TRPM7: variants seen among roughly 807,000 people sequenced by gnomAD.
The protein encoded by TRPM7 is transient receptor potential cation channel subfamily M member 7.
TRPM7 carries 134 observed loss-of-function variants against 229.7 expected under a neutral mutation model. The ratio of observed to expected loss-of-function variants is 0.58; its 90% CI spans 0.51 to 0.67. The LOEUF is 0.67. Ranked by LOEUF, TRPM7 falls within the 30% of genes least tolerant of loss-of-function variation. TRPM7 has a pLI of 0.00. For synonymous variants in TRPM7, 699 were observed against 715.2 expected (o/e 0.98, Z 0.36); for missense variants, 1,901 against 2,210.0 (o/e 0.86, Z 2.80).
At position 50,637,471 on chromosome 15, in the gene TRPM7, T is replaced by A. The variant is rs760273525; in HGVS notation, c.783A>T (p.Arg261Ser). 6.2e-7 allele frequency: 1 copy of A among 1,613,776 alleles called. No individual in the cohort carries two copies. Among genetic ancestry groups the A allele is most frequent in the South Asian group, 1.1e-5 (1 of 90,944 alleles). The change falls in exon 7 of 39, where the codon AGA becomes AGT. Residue 261 changes from arginine (R) to serine (S), a missense_variant. Around this residue, in one of 8 missense-constraint regions of TRPM7, gnomAD observed 794 missense variants for 881.9 expected, o/e 0.90. Transcript: ENST00000646667. Reference sequence around the variant, plus strand: ...TAGTTTTTTCAAGTTCTCTTCTCAGTCTGACTTCCGCCCCATACTTTCCAA... The same window carrying A: ...TAGTTTTTTCAAGTTCTCTTCTCAGACTGACTTCCGCCCCATACTTTCCAA... Reference protein sequence around the residue: ...GTVGKYGAEVRLRRELEKTIN... With the variant: ...GTVGKYGAEVSLRRELEKTIN...
chr15:50,625,801 CACA>C (rs1244518177), intron 11 of TRPM7, among the ~76,000 whole-genome samples: 1 of 152,116 alleles, frequency 6.6e-6, no homozygotes, highest in Non-Finnish European at 1.5e-5. Context: ...TCAGTTCTGT[CACA>C]ACAAGGAAAA....
At chr15:50,683,091 T>A (rs2062277838) in intron 1 of TRPM7, among the ~76,000 whole-genome samples, 1 of 151,826 alleles carries the variant, frequency 6.6e-6, no homozygotes, top group Non-Finnish European at 1.5e-5. Context: ...TTTCGCCATC[T>A]TTCCCAGGCT....
At chr15:50,583,215 C>T (rs1021420043) in intron 28 of TRPM7, 56 bp from the exon 29 acceptor site, 49 of 1,265,568 alleles carry the variant, frequency 3.9e-5, no homozygotes, top group Middle Eastern at 2.0e-4. Context: ...TTATGAATAC[C>T]AACTAACCAA....
chr15:50,640,253 A>G (rs2061053094), intron 5 of TRPM7, among the ~76,000 whole-genome samples: 1 of 152,078 alleles, frequency 6.6e-6, no homozygotes, highest in South Asian at 2.1e-4. Flanking sequence ...CAAAGAGCAT[A>G]TAACTCCTCA....
Position 50,569,985 on chromosome 15 carries a change from T to A in TRPM7, c.5369A>T (p.Asp1790Val), listed in dbSNP as rs373422442. The change falls in exon 38 of 39, where the codon GAT (aspartate) becomes GTT (valine). Residue 1790 changes from aspartate to valine, a missense_variant. Around this residue, in one of 8 missense-constraint regions of TRPM7, gnomAD observed 257 missense variants for 352.0 expected, o/e 0.73. Coordinates refer to ENST00000646667, the MANE Select transcript of TRPM7 (RefSeq NM_017672.6). Reference sequence around the variant, plus strand: ...TAGATTTGCTGGGCCAAAAACCATATCACAGGATCTGTAGAATTGGTAATT... The same window carrying A: ...TAGATTTGCTGGGCCAAAAACCATAACACAGGATCTGTAGAATTGGTAATT... The part of the protein sequence containing the change: ...VIKAEEKRSC[D>V]MVFGPANLGE... 44 of 1,609,918 alleles carry A rather than the reference T, an allele frequency of 2.7e-5. No homozygotes were observed. Among genetic ancestry groups the A allele is most frequent in the Non-Finnish European group, 3.6e-5 (43 of 1,178,250 alleles).
At chr15:50,604,645 A>T (rs2059875179) in intron 21 of TRPM7, 1 of 385,294 alleles carries the variant, frequency 2.6e-6, no homozygotes, top group African/African-American at 2.1e-5. Context: ...CATAAACCAT[A>T]GATGGTATAG....
At chr15:50,653,926 A>G (rs2061490646) in intron 3 of TRPM7, among the ~76,000 whole-genome samples, 1 of 152,168 alleles carries the variant, frequency 6.6e-6, no homozygotes, top group African/African-American at 2.4e-5. Flanking sequence ...GTGAAAAGAC[A>G]TCACTGAACC....
intron 35 of TRPM7, 70 bp downstream of exon 35, chr15:50,574,567 T>A: frequency 1.9e-6 from 3 of 1,550,282 alleles, no homozygotes; most frequent in Non-Finnish European, 2.6e-6. Context: ...ATATTCAACA[T>A]CAAAAATGAA....
At chr15:50,617,689 C>T (rs1269477709) in intron 13 of TRPM7, among the ~76,000 whole-genome samples, 2 of 151,956 alleles carry the variant, frequency 1.3e-5, no homozygotes, top group African/African-American at 2.4e-5. Context: ...TTGATGTGTA[C>T]CCAGACTGGA....
At chr15:50,623,653 C>T (rs1483148968) in intron 12 of TRPM7, among the ~76,000 whole-genome samples, 1 of 151,540 alleles carries the variant, frequency 6.6e-6, no homozygotes, top group African/African-American at 2.4e-5. Context: ...ATCTTCAATG[C>T]TAATACAATA....
At chr15:50,666,956 T>C (rs1051609017) in intron 1 of TRPM7, among the ~76,000 whole-genome samples, 2 of 152,168 alleles carry the variant, frequency 1.3e-5, no homozygotes, top group African/African-American at 4.8e-5. Flanking sequence ...AAACTTGCTT[T>C]TACTTTACTG....
At chr15:50,662,937 A>G (rs775224373) in intron 2 of TRPM7, 30 bp downstream of exon 2, 5 of 1,499,130 alleles carry the variant, frequency 3.3e-6, no homozygotes, top group Non-Finnish European at 3.7e-6. Context: ...AATTTCTAGA[A>G]GACCCCAGAA....
At chr15:50,678,239 C>CA (rs527874854) in intron 1 of TRPM7, among the ~76,000 whole-genome samples, 21,617 of 88,460 alleles carry the variant, frequency 0.24, 3,176 homozygotes, top group East Asian at 0.34. Flanking sequence ...GACTCTCTCT[C>CA]AAAAAAAAAA....
chr15:50,594,083 G>A (rs958855838), intron 24 of TRPM7, among the ~76,000 whole-genome samples: 4 of 152,084 alleles, frequency 2.6e-5, no homozygotes, highest in Non-Finnish European at 5.9e-5. Context: ...AAAATTTTAA[G>A]CATAATTTGA....
Position 50,635,666 on chromosome 15 carries a change from A to AAAAAAG in TRPM7, c.833-1111_833-1110insCTTTTT, listed in dbSNP as rs1412380817. On this transcript the variant is annotated intron_variant, in intron 7 of 38. Coordinates refer to ENST00000646667, the MANE Select transcript of TRPM7 (RefSeq NM_017672.6). ...CAACAGAGCAAGACTCCATCTCCCA[A>AAAAAAG]AAAAAAAAAAAAAAAAAAAAAAAAA... Among the ~76,000 whole-genome samples the AAAAAAG allele has an allele frequency of 6.0e-5, 4 of 66,390 alleles. No homozygotes were observed. In the East Asian group the frequency reaches 1.6e-3, roughly 27 times the overall value. 43.6% of individuals were successfully genotyped at this position (66,390 alleles called of 152,430 possible).
chr15:50,578,581 G>T (rs1051498364), intron 31 of TRPM7, 58 bp downstream of exon 31: 6 of 1,530,822 alleles, frequency 3.9e-6, no homozygotes, highest in Non-Finnish European at 4.5e-6. Context: ...GGTGTTTGCT[G>T]TAACAGATCA....
chr15:50,597,458 A>C (rs966306117), intron 22 of TRPM7, among the ~76,000 whole-genome samples: 1 of 152,242 alleles, frequency 6.6e-6, no homozygotes, highest in African/African-American at 2.4e-5. Flanking sequence ...GGGCAAATTA[A>C]TGGTAAGGTC....
At chr15:50,649,241 A>G (rs945670652) in intron 3 of TRPM7, among the ~76,000 whole-genome samples, 1 of 152,110 alleles carries the variant, frequency 6.6e-6, no homozygotes, top group African/African-American at 2.4e-5. Context: ...GTTCAAGACC[A>G]TCCTAAGAAA....
chr15:50,671,386 T>C lies in TRPM7; in HGVS notation c.4-8340A>G, dbSNP rs1467841817. Among the ~76,000 whole-genome samples the C allele has an allele frequency of 2.6e-5, 4 of 152,182 alleles. No individual in the cohort carries two copies. The East Asian group carries it at 7.7e-4, about 29-fold the overall frequency. ...CCATCCAGGTCACAAAAAACAGAAT[T>C]TCCTTCTTTAAGATTGAATGATATT... On this transcript the variant is annotated intron_variant, in intron 1 of 38. Transcript: ENST00000646667.
Sources: gnomAD v4.1 joint callset for allele counts (sites outside exome capture counted in the v4.1 genomes callset) on GRCh38, gnomAD v4.1.1 for gene constraint, gnomAD v4.1.1 regional missense constraint, MANE v1.5 for transcripts, NCBI Gene and HGNC (gene_info 2026-07-23, HGNC 2026-07-21) for gene names.